Variants in NCKAP5 observed in about 807,000 individuals in gnomAD.
The protein encoded by NCKAP5 is nck-associated protein 5.
In NCKAP5, 92 loss-of-function variants were observed where a neutral mutation model predicts 167.0. That is an observed-to-expected ratio of 0.55 (90% CI 0.47 to 0.66). The LOEUF is 0.66. Ranked by LOEUF, NCKAP5 falls within the 30% of genes least tolerant of loss-of-function variation. The pLI, the probability that NCKAP5 is intolerant of heterozygous loss-of-function variation, is 0.00. For synonymous variants in NCKAP5, 891 were observed against 877.4 expected, an observed-to-expected ratio of 1.02 and a Z score of -0.27; for missense variants, 2,378 against 2,315.0, an observed-to-expected ratio of 1.03 and a Z score of -0.56.
chr2:132,795,605 G>A (rs550469930), intron 12 of NCKAP5, among the ~76,000 whole-genome samples: 1 of 152,102 alleles, frequency 6.6e-6, no homozygotes, highest in African/African-American at 2.4e-5. Flanking sequence ...CAGATCACAA[G>A]GTCAGGAGTT....
chr2:132,838,891 C>T (rs1261484996), intron 11 of NCKAP5, among the ~76,000 whole-genome samples: 1 of 152,178 alleles, frequency 6.6e-6, no homozygotes, highest in Non-Finnish European at 1.5e-5. Flanking sequence ...TTATTTCTCT[C>T]CTTGATTATT....
chr2:133,000,955 A>C (rs555794112), intron 6 of NCKAP5, among the ~76,000 whole-genome samples: 4 of 152,322 alleles, frequency 2.6e-5, no homozygotes, highest in African/African-American at 9.6e-5. Flanking sequence ...AAATTTAAGA[A>C]TAGCAATTGC....
intron 8 of NCKAP5, among the ~76,000 whole-genome samples, chr2:132,933,768 C>G (rs922309708): frequency 6.6e-6 from 1 of 152,094 alleles, no homozygotes; most frequent in Non-Finnish European, 1.5e-5. Context: ...TGGAGGCCAA[C>G]CTCATTATGA....
At chr2:132,864,652 T>C (rs16842734) in intron 10 of NCKAP5, among the ~76,000 whole-genome samples, 44,014 of 152,080 alleles carry the variant, frequency 0.29, 6,906 homozygotes, top group East Asian at 0.45. Flanking sequence ...AAGAGTAAAA[T>C]TGTTATCAGC....
At chr2:132,860,678 T>C (rs1689826433) in intron 10 of NCKAP5, 67 bp from the exon 11 acceptor site, 1 of 1,494,428 alleles carries the variant, frequency 6.7e-7, no homozygotes, top group African/African-American at 1.4e-5. Flanking sequence ...ATTATAACCA[T>C]ATTTTATATA....
intron 11 of NCKAP5, among the ~76,000 whole-genome samples, chr2:132,853,621 T>C (rs756495885): frequency 6.6e-6 from 1 of 152,086 alleles, no homozygotes; most frequent in Non-Finnish European, 1.5e-5. Context: ...TTAAGTTACT[T>C]AAAATTTAAG....
chr2:133,490,333 C>A (rs1681331518), intron 3 of NCKAP5, among the ~76,000 whole-genome samples: 1 of 152,160 alleles, frequency 6.6e-6, no homozygotes, highest in African/African-American at 2.4e-5. Flanking sequence ...GGAACACCCA[C>A]CTATTCCCAG....
intron 8 of NCKAP5, among the ~76,000 whole-genome samples, chr2:132,914,279 G>T (rs999669948): frequency 6.6e-6 from 1 of 152,078 alleles, no homozygotes; most frequent in Non-Finnish European, 1.5e-5. Context: ...AAAAGGCATA[G>T]AAATGTTTCT....
chr2:133,638,527 C>T, the NCKAP5 span, among the ~76,000 whole-genome samples: 4 of 152,152 alleles, frequency 2.6e-5, no homozygotes, highest in Non-Finnish European at 2.9e-5. Context: ...GATGGCACTA[C>T]GTCCAAATGT....
At chr2:133,211,317 G>C (rs2086203189) in intron 5 of NCKAP5, among the ~76,000 whole-genome samples, 1 of 152,076 alleles carries the variant, frequency 6.6e-6, no homozygotes, top group Admixed American at 6.6e-5. Flanking sequence ...TGCAACTTCT[G>C]TCTCCTGGGC....
chr2:132,760,610 C>T (rs1409367111), intron 16 of NCKAP5, among the ~76,000 whole-genome samples: 3 of 150,916 alleles, frequency 2.0e-5, no homozygotes, highest in Non-Finnish European at 4.5e-5. Context: ...GTCATTTTTT[C>T]CCCCTCATGG....
intron 3 of NCKAP5, among the ~76,000 whole-genome samples, chr2:133,386,423 T>G (rs566023874): frequency 6.6e-6 from 1 of 152,360 alleles, no homozygotes; most frequent in East Asian, 1.9e-4. Context: ...CAGTTTGTTA[T>G]AATTTCTCTT....
At chr2:133,492,731 C>G (rs1681584053) in intron 3 of NCKAP5, among the ~76,000 whole-genome samples, 1 of 152,164 alleles carries the variant, frequency 6.6e-6, no homozygotes, top group Non-Finnish European at 1.5e-5. Context: ...TTCTAAAATT[C>G]TGATCCTGTG....
chr2:132,748,249 C>T (rs916446792), intron 16 of NCKAP5, among the ~76,000 whole-genome samples: 2 of 152,176 alleles, frequency 1.3e-5, no homozygotes, highest in South Asian at 2.1e-4. Context: ...TACCTCCAAC[C>T]ACCTGTCCCT....
intron 4 of NCKAP5, among the ~76,000 whole-genome samples, chr2:133,239,568 A>C (rs186894240): frequency 1.2e-3 from 189 of 152,308 alleles, no homozygotes; most frequent in East Asian, 3.9e-4. Flanking sequence ...TGACTGTACC[A>C]GCTAGATTCT....
chr2:133,646,875 A>G, the NCKAP5 span, among the ~76,000 whole-genome samples: 1 of 152,194 alleles, frequency 6.6e-6, no homozygotes, highest in Non-Finnish European at 1.5e-5. Flanking sequence ...GACTTTTTGT[A>G]TGCAATTAAA....
chr2:133,370,505 G>C (rs1685733324), intron 3 of NCKAP5, among the ~76,000 whole-genome samples: 1 of 152,102 alleles, frequency 6.6e-6, no homozygotes, highest in Non-Finnish European at 1.5e-5. Context: ...GTGGAAAAAG[G>C]GTTTTAATCT....
intron 11 of NCKAP5, among the ~76,000 whole-genome samples, chr2:132,797,394 A>C (rs1684692751): frequency 6.6e-6 from 1 of 152,192 alleles, no homozygotes; most frequent in East Asian, 1.9e-4. Flanking sequence ...TCACTGTATT[A>C]ATCTTGATAC....
At chr2:132,755,065 T>A (rs1479234416) in intron 16 of NCKAP5, among the ~76,000 whole-genome samples, 1 of 152,344 alleles carries the variant, frequency 6.6e-6, no homozygotes, top group East Asian at 1.9e-4. Context: ...GCCTTGAGGT[T>A]TGAGTACCAG....
Sources: gnomAD v4.1 joint callset for allele counts (sites outside exome capture counted in the v4.1 genomes callset) on GRCh38, gnomAD v4.1.1 for gene constraint, MANE v1.5 for transcripts, NCBI Gene and HGNC (gene_info 2026-07-23, HGNC 2026-07-21) for gene names.